Variants in PLEKHG1 observed in about 807,000 individuals in gnomAD.
PLEKHG1 encodes pleckstrin homology and RhoGEF domain containing G1.
Under a neutral mutation model 100.8 loss-of-function variants are expected in PLEKHG1, and 44 were observed. That is an observed-to-expected ratio of 0.44 (90% CI 0.34 to 0.56). PLEKHG1 has a LOEUF of 0.56. Ranked by LOEUF, PLEKHG1 falls within the 20% of genes least tolerant of loss-of-function variation. The probability of loss-of-function intolerance (pLI) is 0.01; values close to 1 mark genes in which losing one functional copy is unlikely to be tolerated. For synonymous variants in PLEKHG1, 640 were observed against 662.5 expected, an observed-to-expected ratio of 0.97 and a Z score of 0.52; for missense variants, 1,545 against 1,720.9, an observed-to-expected ratio of 0.90 and a Z score of 1.81.
chr6:150,665,666 T>TAAAA (rs1344708076), intron 3 of PLEKHG1, among the ~76,000 whole-genome samples: 3 of 149,744 alleles, frequency 2.0e-5, no homozygotes, highest in African/African-American at 4.9e-5. Flanking sequence ...AAAATAAAAA[T>TAAAA]ATTAATATGA....
At chr6:150,669,804 G>T (rs1779524908) in intron 3 of PLEKHG1, among the ~76,000 whole-genome samples, 1 of 151,884 alleles carries the variant, frequency 6.6e-6, no homozygotes, top group African/African-American at 2.4e-5. Flanking sequence ...CACTATGTTG[G>T]CCAGACTGGT....
At chr6:150,760,511 T>TA (rs1232595490) in intron 2 of PLEKHG1, among the ~76,000 whole-genome samples, 1 of 152,158 alleles carries the variant, frequency 6.6e-6, no homozygotes. Flanking sequence ...ATACTGAGCT[T>TA]TACTCCAGGG....
intron 2 of PLEKHG1, among the ~76,000 whole-genome samples, chr6:150,748,036 A>G (rs1047134603): frequency 6.8e-4 from 103 of 152,292 alleles, no homozygotes; most frequent in Non-Finnish European, 5.6e-4. Flanking sequence ...CCAATAAACA[A>G]TAACTCCCAT....
chr6:150,697,099 G>GA lies in PLEKHG1; in HGVS notation c.-98-36474dup, dbSNP rs56882210. 7.6e-4 allele frequency among the ~76,000 whole-genome samples: 110 copies of GA among 144,496 alleles called. 2 individuals are homozygous for GA. Among genetic ancestry groups the GA allele is most frequent in the East Asian group, 1.2e-3 (6 of 4,916 alleles). The allele number at this position is 144,496 out of a possible 152,430, so 94.8% of individuals were successfully genotyped here. A position where few individuals can be genotyped will look rare whatever the true frequency, so the allele number is the denominator to read the frequency against. ...GCAACAGAGTGAGACTCTGTCTAAA[G>GA]AAAAAAAAAAAGAAGAAGAAGAAGA... On this transcript the variant is annotated intron_variant, in intron 3 of 3. Coordinates refer to the PLEKHG1 transcript ENST00000367326.
At chr6:150,723,737 TTC>T (rs1234253337) in intron 1 of PLEKHG1, among the ~76,000 whole-genome samples, 6 of 152,168 alleles carry the variant, frequency 3.9e-5, no homozygotes, top group African/African-American at 1.4e-4. Flanking sequence ...ACTGTTTGGG[TTC>T]TCTCTTATTG....
chr6:150,835,150 T>A (rs1029053035), intron 15 of PLEKHG1, among the ~76,000 whole-genome samples: 6 of 152,244 alleles, frequency 3.9e-5, no homozygotes, highest in African/African-American at 1.2e-4. Flanking sequence ...CTGGGTCAGA[T>A]TTCTGCCTAT....
intron 2 of PLEKHG1, among the ~76,000 whole-genome samples, chr6:150,765,547 C>G (rs953825763): frequency 1.3e-5 from 2 of 151,500 alleles, no homozygotes; most frequent in African/African-American, 4.9e-5. Flanking sequence ...AGTGCAGGAG[C>G]TATTAACTAA....
At chr6:150,688,538 T>A (rs1780227271) in intron 3 of PLEKHG1, among the ~76,000 whole-genome samples, 1 of 152,086 alleles carries the variant, frequency 6.6e-6, no homozygotes, top group Admixed American at 6.6e-5. Context: ...GCCAGGCTAG[T>A]CTTGAACTCC....
At chr6:150,686,632 A>C (rs1413507548) in intron 3 of PLEKHG1, 1 of 152,024 alleles carries the variant, frequency 6.6e-6, no homozygotes, top group African/African-American at 2.4e-5. Flanking sequence ...CTTCATTTTT[A>C]TGTTTCCTGT....
chr6:150,755,171 T>A (rs1437329074), intron 2 of PLEKHG1, among the ~76,000 whole-genome samples: 1 of 151,854 alleles, frequency 6.6e-6, no homozygotes, highest in Non-Finnish European at 1.5e-5. Flanking sequence ...GAGACAGGTC[T>A]CACTTTGTTG....
intron 1 of PLEKHG1, among the ~76,000 whole-genome samples, chr6:150,730,377 C>T (rs373401413): frequency 7.9e-5 from 12 of 152,048 alleles, no homozygotes; most frequent in African/African-American, 2.2e-4. Context: ...CAGGATGAAA[C>T]GGTTCCACCT....
At chr6:150,743,219 CTAAAAA>C (rs539609772) in intron 2 of PLEKHG1, among the ~76,000 whole-genome samples, 13 of 152,208 alleles carry the variant, frequency 8.5e-5, no homozygotes, top group South Asian at 6.2e-4. Flanking sequence ...ACCACCCTCA[CTAAAAA>C]TAAAAAGGAA....
chr6:150,624,045 G>A (rs985820619), intron 1 of PLEKHG1, among the ~76,000 whole-genome samples: 29 of 152,194 alleles, frequency 1.9e-4, no homozygotes, highest in Non-Finnish European at 2.9e-4. Context: ...GAACCATAGC[G>A]ATGGCTAATT....
At chr6:150,681,977 G>T (rs893678154) in intron 3 of PLEKHG1, among the ~76,000 whole-genome samples, 1 of 152,124 alleles carries the variant, frequency 6.6e-6, no homozygotes, top group African/African-American at 2.4e-5. Flanking sequence ...ACTCCACCCC[G>T]ATTCTAAAAA....
intron 3 of PLEKHG1, among the ~76,000 whole-genome samples, chr6:150,698,360 A>C (rs919408250): frequency 6.6e-6 from 1 of 152,224 alleles, no homozygotes; most frequent in Non-Finnish European, 1.5e-5. Flanking sequence ...AGGGACGCTC[A>C]AGCGGTACCT....
chr6:150,697,444 C>T (rs534420446), intron 3 of PLEKHG1, among the ~76,000 whole-genome samples: 16 of 152,272 alleles, frequency 1.1e-4, no homozygotes, highest in African/African-American at 3.1e-4. Context: ...AAGAAGCGAA[C>T]CCTGAGTGGG....
intron 3 of PLEKHG1, among the ~76,000 whole-genome samples, chr6:150,686,344 A>G (rs1253901499): frequency 6.6e-6 from 1 of 152,244 alleles, no homozygotes; most frequent in East Asian, 1.9e-4. Context: ...TACTTTTCTT[A>G]TATTGTAAAC....
At chr6:150,806,997 G>A (rs6922805) in intron 7 of PLEKHG1, among the ~76,000 whole-genome samples, 6,791 of 151,988 alleles carry the variant, frequency 0.045, 235 homozygotes, top group African/African-American at 0.095. Context: ...CACTGCCTAC[G>A]GCCACTCACC....
intron 3 of PLEKHG1, among the ~76,000 whole-genome samples, chr6:150,694,710 A>T (rs1227974924): frequency 6.6e-6 from 1 of 151,414 alleles, no homozygotes; most frequent in East Asian, 1.9e-4. Context: ...AAAAAAAAAA[A>T]ATAAAAATAA....
Sources: gnomAD v4.1 joint callset for allele counts (sites outside exome capture counted in the v4.1 genomes callset) on GRCh38, gnomAD v4.1.1 for gene constraint, MANE v1.5 for transcripts, NCBI Gene and HGNC (gene_info 2026-07-23, HGNC 2026-07-21) for gene names.